SLCO3A1: variants seen among roughly 807,000 people sequenced by gnomAD.
SLCO3A1 encodes the protein solute carrier organic anion transporter family member 3A1.
Under a neutral mutation model 63.1 loss-of-function variants are expected in SLCO3A1, and 27 were observed. The observed-to-expected ratio is 0.43, with a 90% CI of 0.32 to 0.59. SLCO3A1 has a LOEUF of 0.59. Among genes scored for constraint, SLCO3A1 ranks in the 20% least tolerant of loss-of-function variants. The pLI is 0.09. For missense variants in SLCO3A1, 773 were observed against 945.8 expected (o/e 0.82, Z 2.40); for synonymous variants, 473 against 409.9 (o/e 1.15, Z -1.86).
chr15:91,923,365 A>G (rs1183872905), intron 2 of SLCO3A1, among the ~76,000 whole-genome samples: 1 of 152,226 alleles, frequency 6.6e-6, no homozygotes, highest in Admixed American at 6.5e-5. Flanking sequence ...GATGTGATCC[A>G]TCTTATAGAG....
At chr15:92,145,841 A>G (rs2048214703) in intron 7 of SLCO3A1, among the ~76,000 whole-genome samples, 1 of 152,194 alleles carries the variant, frequency 6.6e-6, no homozygotes, top group South Asian at 2.1e-4. Flanking sequence ...TCCTTCCCCC[A>G]TGAATAAAAG....
chr15:91,886,055 A>C lies in SLCO3A1; in HGVS notation c.181-29938A>C, dbSNP rs1897717147. ...CGGCAGGCCCCTGTGAGCCACAGGGAGGCAGAGTTGGTCCCTTTTAAATAT... is the reference window on the plus strand; with the variant it reads ...CGGCAGGCCCCTGTGAGCCACAGGGCGGCAGAGTTGGTCCCTTTTAAATAT... On this transcript the variant is annotated intron_variant, in intron 1 of 9. Coordinates refer to ENST00000318445, the MANE Select transcript of SLCO3A1 (RefSeq NM_013272.4). This position sits in a 1 kb window ranked among gnomAD's most constrained non-coding sequence, Gnocchi z 4.9. Among the ~76,000 whole-genome samples the C allele has an allele frequency of 6.6e-6, 1 of 152,118 alleles. No individual in the cohort carries two copies. Among genetic ancestry groups the C allele is most frequent in the South Asian group, 2.1e-4 (1 of 4,824 alleles).
intron 2 of SLCO3A1, among the ~76,000 whole-genome samples, chr15:92,024,855 G>T (rs1242900421): frequency 6.6e-6 from 1 of 151,944 alleles, no homozygotes; most frequent in South Asian, 2.1e-4. Flanking sequence ...AAATACAAAG[G>T]CCTTCCCATT....
intron 2 of SLCO3A1, among the ~76,000 whole-genome samples, chr15:91,946,354 C>T (rs1476222636): frequency 6.6e-6 from 1 of 152,192 alleles, no homozygotes; most frequent in South Asian, 2.1e-4. Flanking sequence ...TGAATCTGAT[C>T]GTGTTACCTT....
rs770479104 is a variant in SLCO3A1, at chr15:91,916,319, C to T, written c.507C>T (p.Asn169=). The change falls in exon 2 of 10, where the codon AAC becomes AAT. Residue 169 remains asparagine (N), a synonymous_variant. Coordinates refer to ENST00000318445, the MANE Select transcript of SLCO3A1 (RefSeq NM_013272.4). This position sits in a 1 kb window ranked among gnomAD's most constrained non-coding sequence, Gnocchi z 6.2. ...EGPDPDLICR[N]RTATNMMYLL... ...CCGACCCCGACCTCATCTGCCGCAACCGGACGGCTACCAACATGATGTACT... is the reference window on the plus strand; with the variant it reads ...CCGACCCCGACCTCATCTGCCGCAATCGGACGGCTACCAACATGATGTACT... The T allele has an allele frequency of 3.1e-6, 5 of 1,591,056 alleles. No homozygotes were observed. The South Asian group carries it at 4.5e-5, about 14-fold the overall frequency.
chr15:91,937,698 G>T (rs1056527686), intron 2 of SLCO3A1, among the ~76,000 whole-genome samples: 2 of 141,458 alleles, frequency 1.4e-5, no homozygotes, highest in Non-Finnish European at 3.0e-5. Flanking sequence ...CAGCCCGGAC[G>T]ACAGTGCAAG....
chr15:92,065,612 G>A (rs932781123), intron 2 of SLCO3A1, among the ~76,000 whole-genome samples: 12 of 152,220 alleles, frequency 7.9e-5, no homozygotes, highest in South Asian at 4.1e-4. Flanking sequence ...CTGTATGGCC[G>A]CCTTTCCCAA....
At chr15:92,131,549 A>G (rs2047997400) in intron 7 of SLCO3A1, among the ~76,000 whole-genome samples, 1 of 144,494 alleles carries the variant, frequency 6.9e-6, no homozygotes, top group Non-Finnish European at 1.5e-5. Context: ...TATTTTTGGT[A>G]GAGACGGGGT....
chr15:92,160,596 G>T (rs866108923), intron 9 of SLCO3A1, among the ~76,000 whole-genome samples: 2 of 152,150 alleles, frequency 1.3e-5, no homozygotes, highest in Admixed American at 1.3e-4. Context: ...AAATCGAGCT[G>T]CTTGGGAAGT....
rs921972510 is a variant in SLCO3A1, at chr15:92,143,211, G to A, written c.1513-3773G>A. Reference sequence around the variant, plus strand: ...ACTCTTTGAGTCCATATGGTTCTAAGAACTTCAGTCCCAAATCTTTTTCCT... The same window carrying A: ...ACTCTTTGAGTCCATATGGTTCTAAAAACTTCAGTCCCAAATCTTTTTCCT... On this transcript the variant is annotated intron_variant, in intron 7 of 9. Transcript: ENST00000318445. 3.4e-5 allele frequency among the ~76,000 whole-genome samples: 5 copies of A among 145,932 alleles called. No individual in the cohort carries two copies. In the South Asian group the frequency reaches 6.6e-4, roughly 19 times the overall value.
intron 9 of SLCO3A1, among the ~76,000 whole-genome samples, chr15:92,158,987 C>T (rs1463247853): frequency 2.0e-5 from 3 of 152,136 alleles, no homozygotes; most frequent in African/African-American, 7.2e-5. Context: ...CACCCCAAAT[C>T]CCCTATCTAA....
Position 92,164,419 on chromosome 15 carries a change from G to A in SLCO3A1, c.*1284G>A, listed in dbSNP as rs1331089290. The A allele has an allele frequency of 1.0e-6, 1 of 985,322 alleles. No individual in the cohort carries two copies. Among genetic ancestry groups the A allele is most frequent in the African/African-American group, 1.7e-5 (1 of 57,238 alleles). The allele number at this position is 985,322 out of a possible 1,614,324, so 61.0% of individuals were successfully genotyped here. A position where few individuals can be genotyped will look rare whatever the true frequency, so the allele number is the denominator to read the frequency against. On this transcript the variant is annotated 3_prime_UTR_variant, in exon 10 of 10. Coordinates refer to ENST00000318445, the MANE Select transcript of SLCO3A1 (RefSeq NM_013272.4). ...TGATGAATTGCAAATTTGCCTTTTA[G>A]CTTCCTTCCCCATGATTCAGTGATC...
At chr15:92,050,121 A>T (rs546777305) in intron 2 of SLCO3A1, among the ~76,000 whole-genome samples, 1 of 152,328 alleles carries the variant, frequency 6.6e-6, no homozygotes, top group East Asian at 1.9e-4. Context: ...GGTGACTGTC[A>T]CAAACAAATA....
chr15:92,068,200 A>G (rs1056773092), intron 2 of SLCO3A1, among the ~76,000 whole-genome samples: 2 of 152,178 alleles, frequency 1.3e-5, no homozygotes, highest in Non-Finnish European at 2.9e-5. Context: ...GCACGAAGCT[A>G]TTTGTGTCTT....
intron 2 of SLCO3A1, among the ~76,000 whole-genome samples, chr15:92,035,483 T>C (rs2046714117): frequency 6.6e-6 from 1 of 151,862 alleles, no homozygotes; most frequent in African/African-American, 2.4e-5. Flanking sequence ...CTTGGGCAGA[T>C]AGAGTGATCT....
chr15:92,155,661 C>T (rs1596154202), intron 9 of SLCO3A1, among the ~76,000 whole-genome samples: 1 of 152,084 alleles, frequency 6.6e-6, no homozygotes, highest in African/African-American at 2.4e-5. Flanking sequence ...AGCTGACCAC[C>T]AGCAAAGCAG....
chr15:92,096,453 A>G (rs2047540216), intron 3 of SLCO3A1, among the ~76,000 whole-genome samples: 2 of 152,244 alleles, frequency 1.3e-5, no homozygotes, highest in South Asian at 4.1e-4. Flanking sequence ...CGTCTGGGTC[A>G]TTGCCTACCA....
chr15:91,966,462 G>T (rs934431783), intron 2 of SLCO3A1, among the ~76,000 whole-genome samples: 1 of 152,134 alleles, frequency 6.6e-6, no homozygotes, highest in Non-Finnish European at 1.5e-5. Context: ...TTCCCACTGT[G>T]CACAATGCAA....
chr15:91,873,133 C>A (rs73547378), intron 1 of SLCO3A1, among the ~76,000 whole-genome samples: 1 of 152,202 alleles, frequency 6.6e-6, no homozygotes, highest in African/African-American at 2.4e-5. Context: ...AACAAGCGAT[C>A]ATTTTTCAAA....
Sources: allele counts gnomAD v4.1 joint callset (sites outside exome capture counted in the v4.1 genomes callset), GRCh38; gene constraint gnomAD v4.1.1; non-coding constraint Gnocchi (gnomAD v3.1); transcripts MANE v1.5; gene names NCBI Gene and HGNC (gene_info 2026-07-23, HGNC 2026-07-21).